HDAC9: variants seen among roughly 807,000 people sequenced by gnomAD.
HDAC9 encodes the protein histone deacetylase 9, also known as MEF-2 interacting transcription repressor (MITR) protein.
In HDAC9, 41 loss-of-function variants were observed where a neutral mutation model predicts 139.4. The ratio of observed to expected loss-of-function variants is 0.29; its 90% confidence interval spans 0.23 to 0.38. HDAC9 has a LOEUF of 0.38. HDAC9 is among the 10% of genes least tolerant of loss of function. The pLI is 1.00. For synonymous variants in HDAC9, 517 were observed against 476.2 expected, an observed-to-expected ratio of 1.09 and a Z score of -1.12; for missense variants, 1,147 against 1,297.0, an observed-to-expected ratio of 0.88 and a Z score of 1.78.
chr7:18,735,283 T>C (rs1786777490), intron 13 of HDAC9, among the ~76,000 whole-genome samples: 1 of 152,226 alleles, frequency 6.6e-6, no homozygotes, highest in African/African-American at 2.4e-5. Context: ...GCATTGCTTT[T>C]GGTGTTTTTG....
At chr7:18,426,826 C>T (rs553873596) in intron 1 of HDAC9, among the ~76,000 whole-genome samples, 5 of 152,334 alleles carry the variant, frequency 3.3e-5, no homozygotes, top group Non-Finnish European at 4.4e-5. Flanking sequence ...GAACACTAGA[C>T]TCAGCAAACC....
At chr7:18,805,504 A>AAGGATT (rs1461598886) in intron 17 of HDAC9, among the ~76,000 whole-genome samples, 3 of 152,224 alleles carry the variant, frequency 2.0e-5, no homozygotes, top group Non-Finnish European at 4.4e-5. Flanking sequence ...TTGGTGGGGC[A>AAGGATT]AGGATTTTTC....
intron 1 of HDAC9, among the ~76,000 whole-genome samples, chr7:18,312,861 A>T (rs1244153182): frequency 6.6e-6 from 1 of 152,086 alleles, no homozygotes. Context: ...TAAGAAATGC[A>T]ATTTGCTAAC....
At chr7:18,246,406 C>T (rs1794529129) in intron 2 of HDAC9, among the ~76,000 whole-genome samples, 2 of 151,946 alleles carry the variant, frequency 1.3e-5, no homozygotes, top group South Asian at 2.1e-4. Context: ...GTGTACGATT[C>T]ATTGGCATTT....
chr7:18,894,330 G>A (rs1024919224), intron 22 of HDAC9, among the ~76,000 whole-genome samples: 1 of 152,138 alleles, frequency 6.6e-6, no homozygotes, highest in African/African-American at 2.4e-5. Context: ...CTAACATTAT[G>A]ACATTGGAGC....
intron 22 of HDAC9, among the ~76,000 whole-genome samples, chr7:18,926,380 A>G (rs187826269): frequency 2.0e-5 from 3 of 152,268 alleles, no homozygotes; most frequent in South Asian, 2.1e-4. Context: ...CATCTGCCAT[A>G]TGCCAGACTC....
At chr7:18,125,978 GTCTA>G in intron 1 of HDAC9, among the ~76,000 whole-genome samples, 1 of 152,052 alleles carries the variant, frequency 6.6e-6, no homozygotes, top group East Asian at 1.9e-4. Context: ...TTATTTGTTG[GTCTA>G]TCTACCTGTA....
intron 12 of HDAC9, among the ~76,000 whole-genome samples, chr7:18,712,439 A>G (rs1473866412): frequency 6.6e-6 from 1 of 152,220 alleles, no homozygotes; most frequent in Non-Finnish European, 1.5e-5. Context: ...CAAGTTTACA[A>G]TAATTCCTGT....
chr7:18,734,293 A>G (rs1199975631), intron 13 of HDAC9, among the ~76,000 whole-genome samples: 2 of 152,172 alleles, frequency 1.3e-5, no homozygotes, highest in Non-Finnish European at 2.9e-5. Context: ...GGTTTGATAC[A>G]TAGGTACACA....
intron 14 of HDAC9, among the ~76,000 whole-genome samples, chr7:18,754,219 A>G (rs1325298283): frequency 2.0e-5 from 3 of 152,060 alleles, no homozygotes; most frequent in Non-Finnish European, 4.4e-5. Context: ...GGGAGCAAAG[A>G]GCAAAACCAG....
At chr7:18,980,736 CTT>C (rs1339942001) in intron 25 of HDAC9, among the ~76,000 whole-genome samples, 1,940 of 129,718 alleles carry the variant, frequency 0.015, 22 homozygotes, top group African/African-American at 0.041. Flanking sequence ...CCTTCTTCTT[CTT>C]CTTCTTCCTT....
intron 6 of HDAC9, among the ~76,000 whole-genome samples, chr7:18,622,716 CAA>C (rs1257406399): frequency 6.6e-6 from 1 of 151,948 alleles, no homozygotes; most frequent in African/African-American, 2.4e-5. Context: ...AATATTAACA[CAA>C]TGGAAAATTT....
At chr7:18,472,857 G>A (rs778910853) in intron 1 of HDAC9, among the ~76,000 whole-genome samples, 12 of 152,182 alleles carry the variant, frequency 7.9e-5, no homozygotes, top group Non-Finnish European at 1.6e-4. Flanking sequence ...CCCCAGGAGG[G>A]CAGAGATCTT....
At chr7:18,416,547 G>A (rs1789084531) in intron 1 of HDAC9, among the ~76,000 whole-genome samples, 1 of 151,910 alleles carries the variant, frequency 6.6e-6, no homozygotes, top group Non-Finnish European at 1.5e-5. Context: ...TTTTCTCTGT[G>A]GGAAGGTGTT....
intron 13 of HDAC9, among the ~76,000 whole-genome samples, chr7:18,746,399 T>A (rs1787980588): frequency 6.6e-6 from 1 of 152,226 alleles, no homozygotes; most frequent in Non-Finnish European, 1.5e-5. Context: ...CTTTTCTGCC[T>A]TCCTTAATGT....
chr7:18,473,217 C>A (rs1054200727), intron 1 of HDAC9, among the ~76,000 whole-genome samples: 1 of 152,174 alleles, frequency 6.6e-6, no homozygotes, highest in Non-Finnish European at 1.5e-5. Flanking sequence ...TCTTTTGTCA[C>A]CCTTCTCAGT....
At chr7:18,644,505 A>G (rs961866946) in intron 8 of HDAC9, among the ~76,000 whole-genome samples, 166 bp from the exon 9 acceptor site, 4 of 152,144 alleles carry the variant, frequency 2.6e-5, no homozygotes, top group African/African-American at 9.7e-5. Flanking sequence ...TTTGGAAGAA[A>G]TTTTTTATTT....
At chr7:18,625,946 C>CA (rs11312304) in intron 6 of HDAC9, among the ~76,000 whole-genome samples, 613 of 60,958 alleles carry the variant, frequency 0.01, 64 homozygotes, top group African/African-American at 0.027. Context: ...GACTCCATCT[C>CA]AAAAAAAAAA....
At chr7:18,645,465 G>T (rs1017363444) in intron 9 of HDAC9, among the ~76,000 whole-genome samples, 1 of 152,118 alleles carries the variant, frequency 6.6e-6, no homozygotes, top group African/African-American at 2.4e-5. Flanking sequence ...TGAAGGCCTA[G>T]AAGTGATTCC....
Sources: gnomAD v4.1 joint callset for allele counts (sites outside exome capture counted in the v4.1 genomes callset) on GRCh38, gnomAD v4.1.1 for gene constraint, MANE v1.5 for transcripts, NCBI Gene and HGNC (gene_info 2026-07-23, HGNC 2026-07-21) for gene names.